TECPR2: variants seen among roughly 807,000 people sequenced by gnomAD.
The protein encoded by TECPR2 is tectonin beta-propeller repeat containing 2, also known as tectonin beta-propeller repeat-containing protein 2.
TECPR2 carries 65 observed loss-of-function variants against 138.1 expected under a neutral mutation model. The ratio of observed to expected loss-of-function variants is 0.47; its 90% CI spans 0.39 to 0.58. The LOEUF (loss-of-function observed/expected upper bound fraction) is 0.58, where lower values mean the gene tolerates loss of function less well. TECPR2 is among the 20% of genes least tolerant of loss of function. TECPR2 has a pLI of 0.00. For missense variants in TECPR2, 1,553 were observed against 1,824.5 expected, an observed-to-expected ratio of 0.85 and a Z score of 2.71; for synonymous variants, 746 against 749.8, an observed-to-expected ratio of 0.99 and a Z score of 0.08.
At chr14:102,437,333 G>A (rs1889694660) in intron 9 of TECPR2, among the ~76,000 whole-genome samples, 1 of 152,216 alleles carries the variant, frequency 6.6e-6, no homozygotes, top group African/African-American at 2.4e-5. Context: ...AATCACCTGA[G>A]GTCAGGAGTT....
chr14:102,402,638 A>G (rs1888523311), intron 2 of TECPR2, among the ~76,000 whole-genome samples: 1 of 152,168 alleles, frequency 6.6e-6, no homozygotes. Context: ...AGAATTGACA[A>G]ACCTTTAGCC....
chr14:102,368,301 G>A (rs1171874297), intron 1 of TECPR2, among the ~76,000 whole-genome samples: 1 of 152,112 alleles, frequency 6.6e-6, no homozygotes, highest in Non-Finnish European at 1.5e-5. Context: ...GAGCCACCGT[G>A]CCTGGCCTTA....
intron 6 of TECPR2, among the ~76,000 whole-genome samples, chr14:102,427,406 G>C (rs1401784070): frequency 6.6e-6 from 1 of 152,214 alleles, no homozygotes; most frequent in Non-Finnish European, 1.5e-5. Context: ...GTCACCCTCA[G>C]AGACTGGACC....
intron 15 of TECPR2, among the ~76,000 whole-genome samples, chr14:102,451,349 A>G (rs1803880181): frequency 1.3e-5 from 2 of 152,232 alleles, no homozygotes; most frequent in African/African-American, 4.8e-5. Context: ...TGAAGAGGGA[A>G]TCGTTTGCTT....
Position 102,431,955 on chromosome 14 carries a change from C to T in TECPR2, c.1244C>T (p.Ser415Phe). ...EPRSRSSSLN[S>F]TDSGSGLLPP... is the part of the protein sequence containing the mutation. ...AGGAGCAGGAGCAGCTCGCTCAACT[C>T]CACCGACAGCGGCTCCGGGCTCCTG... is the stretch of plus-strand genomic sequence containing the variant. Residue 415 changes from serine to phenylalanine, a missense_variant, in exon 8 of 20, where the codon TCC (serine) becomes TTC (phenylalanine). Ser to Phe is a radical substitution (Grantham distance 155). Transcript: ENST00000359520. 6.2e-7 allele frequency: 1 copy of T among 1,613,044 alleles called. No homozygotes were observed. The highest frequency in any genetic ancestry group is 2.2e-5 in the East Asian group (1 of 44,876).
intron 4 of TECPR2, among the ~76,000 whole-genome samples, chr14:102,409,008 G>T (rs1888742576): frequency 6.6e-6 from 1 of 152,254 alleles, no homozygotes; most frequent in Non-Finnish European, 1.5e-5. Flanking sequence ...ATGACCTCAT[G>T]TGACAGGAAG....
intron 2 of TECPR2, among the ~76,000 whole-genome samples, chr14:102,398,176 T>C (rs1433007152): frequency 6.7e-6 from 1 of 150,226 alleles, no homozygotes; most frequent in Non-Finnish European, 1.5e-5. Context: ...AAAAAGAAAC[T>C]GAAAATAATT....
intron 10 of TECPR2, among the ~76,000 whole-genome samples, chr14:102,439,575 C>T (rs1424849525): frequency 6.6e-6 from 1 of 152,186 alleles, no homozygotes; most frequent in African/African-American, 2.4e-5. Flanking sequence ...TGGTTCTATT[C>T]CTGACTATAT....
At chr14:102,397,314 AC>A (rs750487406) in intron 2 of TECPR2, among the ~76,000 whole-genome samples, 4 of 152,190 alleles carry the variant, frequency 2.6e-5, no homozygotes, top group Non-Finnish European at 5.9e-5. Flanking sequence ...TTTCAACAAA[AC>A]AAATCACGAG....
chr14:102,495,963 GAC>G (rs1278595442), intron 17 of TECPR2, among the ~76,000 whole-genome samples: 1 of 152,240 alleles, frequency 6.6e-6, no homozygotes, highest in East Asian at 1.9e-4. Flanking sequence ...GCAAGTGTGT[GAC>G]ACGGGCACTA....
intron 2 of TECPR2, among the ~76,000 whole-genome samples, chr14:102,405,256 C>A (rs1471266063): frequency 6.6e-6 from 1 of 152,100 alleles, no homozygotes; most frequent in Non-Finnish European, 1.5e-5. Context: ...TTGCAGTGAG[C>A]CAAGGTTGCA....
At chr14:102,476,001 G>A (rs1291707206) in intron 17 of TECPR2, among the ~76,000 whole-genome samples, 2 of 152,064 alleles carry the variant, frequency 1.3e-5, no homozygotes, top group African/African-American at 2.4e-5. Context: ...GACCACCTGA[G>A]GTCAGGAGTT....
In TECPR2 at chr14:102,500,820, T is replaced by C. The variant is rs1421561277; in HGVS notation, c.*2563T>C. ...TGGGGCAGGCAGGGAGGAATAATGT[T>C]AGTACCCACAAATGCCCATGACTGT... On this transcript the variant is annotated 3_prime_UTR_variant, in exon 20 of 20. Coordinates refer to ENST00000359520, the MANE Select transcript of TECPR2 (RefSeq NM_014844.5). 2 of 152,246 alleles carry C rather than the reference T, an allele frequency of 1.3e-5. No individual in the cohort carries two copies. Among genetic ancestry groups the C allele is most frequent in the Admixed American group, 6.5e-5 (1 of 15,280 alleles). 9.4% of individuals were successfully genotyped at this position (152,246 alleles called of 1,614,324 possible).
intron 18 of TECPR2, 30 bp from the exon 19 acceptor site, chr14:102,497,540 G>C: frequency 6.6e-7 from 1 of 1,510,320 alleles, no homozygotes; most frequent in Non-Finnish European, 8.9e-7. Flanking sequence ...TCCATGGCAG[G>C]GGCTCAGGAG....
At chr14:102,385,686 C>G (rs184138133) in intron 2 of TECPR2, among the ~76,000 whole-genome samples, 4 of 152,168 alleles carry the variant, frequency 2.6e-5, no homozygotes, top group Non-Finnish European at 5.9e-5. Flanking sequence ...GTAATCCCAG[C>G]ACTTTGGGAG....
At chr14:102,490,546 G>A (rs1015438451) in intron 17 of TECPR2, among the ~76,000 whole-genome samples, 4 of 152,190 alleles carry the variant, frequency 2.6e-5, no homozygotes, top group African/African-American at 4.8e-5. Flanking sequence ...TAGCAGAGGC[G>A]CCTTCCCGAG....
In TECPR2 at chr14:102,428,222, G is replaced by GTTTTTTTTTTTTTTTTTTTT. The variant is rs565236204; in HGVS notation, c.952-25_952-6dup. 5.9e-5 allele frequency: 62 copies of GTTTTTTTTTTTTTTTTTTTT among 1,058,632 alleles called. 1 individual carries two copies. Among genetic ancestry groups the GTTTTTTTTTTTTTTTTTTTT allele is most frequent in the East Asian group, 2.3e-4 (6 of 25,924 alleles). 65.6% of individuals were successfully genotyped at this position (1,058,632 alleles called of 1,614,324 possible). On this transcript the variant is annotated intron_variant, in intron 6 of 19. Transcript: ENST00000359520. ...ACCGTTGTTTAGTTTTGTGTTTTTT[G>GTTTTTTTTTTTTTTTTTTTT]TTTTTTTTTTTTTTTTTTTTTTGAC...
chr14:102,376,645 T>G lies in TECPR2; in HGVS notation c.-72-5T>G. On this transcript the variant is annotated splice_polypyrimidine_tract_variant and splice_region_variant and intron_variant, in intron 1 of 19. Transcript: ENST00000359520. ...TTGAAAGGATTGTAATGCTTTGTTCTGTAGCCCCCAGGTTTCCCTAGATGA... is the reference window on the plus strand; with the variant it reads ...TTGAAAGGATTGTAATGCTTTGTTCGGTAGCCCCCAGGTTTCCCTAGATGA... 2 of 1,337,044 alleles carry G rather than the reference T, an allele frequency of 1.5e-6. No homozygotes were observed. The highest frequency in any genetic ancestry group is 1.8e-5 in the Admixed American group (1 of 54,236). 82.8% of individuals were successfully genotyped at this position (1,337,044 alleles called of 1,614,324 possible). A position where few individuals can be genotyped will look rare whatever the true frequency, so the allele number is the denominator to read the frequency against.
At chr14:102,493,523 G>T (rs138546461) in intron 17 of TECPR2, among the ~76,000 whole-genome samples, 1 of 152,344 alleles carries the variant, frequency 6.6e-6, no homozygotes, top group East Asian at 1.9e-4. Flanking sequence ...GAATGGAAAT[G>T]GATGTGATGT....
Sources: allele counts gnomAD v4.1 joint callset (sites outside exome capture counted in the v4.1 genomes callset), GRCh38; gene constraint gnomAD v4.1.1; transcripts MANE v1.5; gene names NCBI Gene and HGNC (gene_info 2026-07-23, HGNC 2026-07-21).